ACTR10: variants seen among roughly 807,000 people sequenced by gnomAD.
ACTR10 encodes the protein actin related protein 10.
Under a neutral mutation model 56.2 loss-of-function variants are expected in ACTR10, and 43 were observed. The observed-to-expected ratio is 0.77, with a 90% CI of 0.60 to 0.99. The LOEUF is 0.99. Ranked by LOEUF, ACTR10 falls within the 50% of genes least tolerant of loss-of-function variation. The pLI, the probability that ACTR10 is intolerant of heterozygous loss-of-function variation, is 0.00. For synonymous variants in ACTR10, 170 were observed against 176.3 expected, an observed-to-expected ratio of 0.96 and a Z score of 0.28; for missense variants, 466 against 507.8, an observed-to-expected ratio of 0.92 and a Z score of 0.79.
intron 8 of ACTR10, among the ~76,000 whole-genome samples, chr14:58,222,633 C>T (rs571598817): frequency 2.6e-5 from 4 of 152,050 alleles, no homozygotes; most frequent in East Asian, 1.9e-4. Context: ...GGCATGGTGG[C>T]GTGTGCCTGT....
At chr14:58,229,594 C>T (rs919216646) in intron 10 of ACTR10, among the ~76,000 whole-genome samples, 2 of 150,324 alleles carry the variant, frequency 1.3e-5, no homozygotes, top group African/African-American at 4.9e-5. Context: ...AGGAGAATGG[C>T]GTGAATCCAG....
chr14:58,223,840 A>G lies in ACTR10; in HGVS notation c.772A>G (p.Ile258Val). The change falls in exon 10 of 13, where the codon ATC becomes GTC. Residue 258 changes from isoleucine to valine, a missense_variant. Ile to Val is a conservative substitution (Grantham distance 29). Transcript: ENST00000254286. ...ATTAGATGGAGAGAAGATTTTACAT[A>G]TCCTTGGATCAATCAGGTTAGATCT... ...YPLDGEKILH[I>V]LGSIRDSVVE... is the part of the protein sequence containing the mutation. 1 of 1,612,218 alleles carries G rather than the reference A, an allele frequency of 6.2e-7. No homozygotes were observed. The highest frequency in any genetic ancestry group is 8.5e-7 in the Non-Finnish European group (1 of 1,178,770).
intron 11 of ACTR10, 108 bp downstream of exon 11, chr14:58,230,588 ATG>A: frequency 2.2e-6 from 1 of 460,274 alleles, no homozygotes; most frequent in Non-Finnish European, 3.8e-6. Context: ...TATTTTTAAT[ATG>A]TGTCAACAAC....
chr14:58,203,049 C>A lies in ACTR10; in HGVS notation c.150+122C>A, dbSNP rs1044006702. 6.9e-5 allele frequency: 42 copies of A among 608,396 alleles called. No homozygotes were observed. In the African/African-American group the frequency reaches 7.9e-4, roughly 11 times the overall value. 37.7% of individuals were successfully genotyped at this position (608,396 alleles called of 1,614,324 possible). ...AGCCGTGGTGGCTCACGCCTGTAATCCCAACACTTTGGGTGGCTGAGGCGG... is the reference window on the plus strand; with the variant it reads ...AGCCGTGGTGGCTCACGCCTGTAATACCAACACTTTGGGTGGCTGAGGCGG... On this transcript the variant is annotated intron_variant, in intron 2 of 12. Coordinates refer to ENST00000254286, the MANE Select transcript of ACTR10 (RefSeq NM_018477.3).
chr14:58,204,936 A>G (rs1888819044), intron 2 of ACTR10, among the ~76,000 whole-genome samples: 1 of 152,160 alleles, frequency 6.6e-6, no homozygotes, highest in South Asian at 2.1e-4. Flanking sequence ...GGTTTTATAA[A>G]AACACATGTT....
intron 8 of ACTR10, among the ~76,000 whole-genome samples, chr14:58,221,198 G>T (rs1252826194): frequency 6.6e-6 from 1 of 150,792 alleles, no homozygotes; most frequent in Non-Finnish European, 1.5e-5. Flanking sequence ...CAGGAGAATT[G>T]CTTGAACCTG....
At chr14:58,205,242 C>CA (rs565273837) in intron 2 of ACTR10, among the ~76,000 whole-genome samples, 122 of 145,134 alleles carry the variant, frequency 8.4e-4, no homozygotes, top group Admixed American at 2.7e-3. Flanking sequence ...AAAACAAAAA[C>CA]AAAAAAAAAC....
intron 1 of ACTR10, among the ~76,000 whole-genome samples, chr14:58,202,452 C>T (rs1269348197): frequency 1.3e-5 from 2 of 151,696 alleles, no homozygotes; most frequent in Non-Finnish European, 2.9e-5. Context: ...TGCGTGGTGG[C>T]CGGCACCTGT....
intron 6 of ACTR10, 63 bp from the exon 7 acceptor site, chr14:58,215,142 G>A: frequency 2.0e-6 from 2 of 996,486 alleles, no homozygotes; most frequent in Admixed American, 2.5e-5. Flanking sequence ...GTAGTTGAAA[G>A]TATCAAATAA....
chr14:58,215,386 C>T (rs1013288697), intron 7 of ACTR10, 102 bp downstream of exon 7: 1 of 675,830 alleles, frequency 1.5e-6, no homozygotes, highest in Non-Finnish European at 2.5e-6. Flanking sequence ...CTCTTTTCTC[C>T]CCATGCCACT....
chr14:58,203,420 CATAAGT>C (rs1888778351), intron 2 of ACTR10, among the ~76,000 whole-genome samples: 2 of 151,758 alleles, frequency 1.3e-5, no homozygotes, highest in Admixed American at 6.6e-5. Flanking sequence ...TTTTGCACAC[CATAAGT>C]ATATCATGTT....
At chr14:58,231,093 G>C in intron 11 of ACTR10, 1 of 332,828 alleles carries the variant, frequency 3.0e-6, no homozygotes, top group Non-Finnish European at 6.2e-6. Context: ...TGCTCTTGTT[G>C]CCCAGGCTGG....
At position 58,223,788 on chromosome 14, in the gene ACTR10, C is replaced by G. The variant is rs200082520; in HGVS notation, c.720C>G (p.Pro240=). 67 of 1,612,780 alleles carry G rather than the reference C, an allele frequency of 4.2e-5. No homozygotes were observed. The Middle Eastern group carries it at 4.9e-4, about 12-fold the overall frequency. The change falls in exon 10 of 13, where the codon CCC becomes CCG. Residue 240 remains proline, a synonymous_variant. Transcript: ENST00000254286. ...TTATGATATTTATATTTCAGCGTCC[C>G]TCCCCACCCCCAAATGTTGACTATC... ...KFNIDGNNER[P]SPPPNVDYPL...
chr14:58,202,583 C>CA lies in ACTR10; in HGVS notation c.78-260dup, dbSNP rs1390925699. ...TGGGTGACAGAGCCAGACTCCATCT[C>CA]AAAAAAAAAAAAGTAAATGCTGCCC... On this transcript the variant is annotated intron_variant, in intron 1 of 12. Coordinates refer to ENST00000254286, the MANE Select transcript of ACTR10 (RefSeq NM_018477.3). Among the ~76,000 whole-genome samples the CA allele has an allele frequency of 1.3e-3, 181 of 138,474 alleles. 1 individual carries two copies. The highest frequency in any genetic ancestry group is 3.6e-3 in the African/African-American group (137 of 37,966). 90.8% of individuals were successfully genotyped at this position (138,474 alleles called of 152,430 possible).
At chr14:58,228,637 C>CATCTCATT (rs1889457112) in intron 10 of ACTR10, among the ~76,000 whole-genome samples, 1 of 138,012 alleles carries the variant, frequency 7.2e-6, no homozygotes, top group Non-Finnish European at 1.5e-5. Flanking sequence ...CTTTTGCCTA[C>CATCTCATT]ATCTCATTGA....
intron 8 of ACTR10, among the ~76,000 whole-genome samples, chr14:58,222,666 G>A (rs1279044041): frequency 2.0e-5 from 3 of 150,880 alleles, no homozygotes; most frequent in Non-Finnish European, 4.4e-5. Flanking sequence ...TTGGGTGGCT[G>A]AGGTATGAGA....
chr14:58,230,570 T>A, intron 11 of ACTR10, 90 bp downstream of exon 11: 1 of 529,176 alleles, frequency 1.9e-6, no homozygotes, highest in Non-Finnish European at 3.1e-6. Context: ...GCAATCCTTG[T>A]CACATATTAT....
chr14:58,212,186 G>A (rs1364753419), intron 5 of ACTR10, among the ~76,000 whole-genome samples: 2 of 152,064 alleles, frequency 1.3e-5, no homozygotes, highest in Non-Finnish European at 2.9e-5. Flanking sequence ...GAAGAGTTGT[G>A]TTAGTTGAGT....
chr14:58,200,197 C>G lies in ACTR10; in HGVS notation c.-21C>G. 1 of 1,506,546 alleles carries G rather than the reference C, an allele frequency of 6.6e-7. No homozygotes were observed. The highest frequency in any genetic ancestry group is 1.3e-5 in the South Asian group (1 of 78,850). 93.3% of individuals were successfully genotyped at this position (1,506,546 alleles called of 1,614,324 possible). On this transcript the variant is annotated 5_prime_UTR_variant, in exon 1 of 13. Transcript: ENST00000254286. The stretch of plus-strand genomic sequence containing the variant: ...TGGCCGCGGAGACTGCGACCCTCTT[C>G]TCTCAGTCTGCCTTACTACCATGCC...
Sources: allele counts gnomAD v4.1 joint callset (sites outside exome capture counted in the v4.1 genomes callset), GRCh38; gene constraint gnomAD v4.1.1; transcripts MANE v1.5; gene names NCBI Gene and HGNC (gene_info 2026-07-23, HGNC 2026-07-21).